The following LRBA variants were observed in gnomAD, a reference collection of about 807,000 sequenced individuals.
LRBA encodes lipopolysaccharide-responsive and beige-like anchor protein.
In LRBA, 176 loss-of-function variants were observed where a neutral mutation model predicts 330.0. The observed-to-expected ratio is 0.53, with a 90% CI of 0.47 to 0.60. The LOEUF (loss-of-function observed/expected upper bound fraction) is 0.60. Among genes scored for constraint, LRBA ranks in the 20% least tolerant of loss-of-function variants. The pLI is 0.00. For synonymous variants in LRBA, 1,230 were observed against 1,193.0 expected (o/e 1.03, Z -0.64); for missense variants, 3,259 against 3,444.8 (o/e 0.95, Z 1.35).
At chr4:150,526,882 T>C (rs140972832) in intron 40 of LRBA, among the ~76,000 whole-genome samples, 1 of 152,208 alleles carries the variant, frequency 6.6e-6, no homozygotes, top group African/African-American at 2.4e-5. Context: ...ATCCTGATTG[T>C]CTCAAAAACA....
chr4:150,376,182 G>T (rs1326028460), intron 47 of LRBA, among the ~76,000 whole-genome samples: 1 of 152,102 alleles, frequency 6.6e-6, no homozygotes, highest in African/African-American at 2.4e-5. Context: ...CCCACACTGT[G>T]TCTAACTTTT....
At chr4:150,378,885 C>T (rs1403031059) in intron 47 of LRBA, among the ~76,000 whole-genome samples, 1 of 152,110 alleles carries the variant, frequency 6.6e-6, no homozygotes, top group East Asian at 1.9e-4. Context: ...TATAAATTCA[C>T]TAAAATGATT....
intron 48 of LRBA, among the ~76,000 whole-genome samples, chr4:150,336,666 T>C (rs1212528792): frequency 6.6e-6 from 1 of 152,186 alleles, no homozygotes; most frequent in African/African-American, 2.4e-5. Flanking sequence ...GATGTAATTA[T>C]AATTTGTGAA....
chr4:150,315,498 T>C (rs1483461974), intron 51 of LRBA, 63 bp downstream of exon 51: 12 of 1,343,698 alleles, frequency 8.9e-6, no homozygotes, highest in African/African-American at 2.9e-5. Flanking sequence ...ACAACTGTAA[T>C]CTACACTTCA....
In LRBA at chr4:150,537,793, A is replaced by G. The variant is rs188385070; in HGVS notation, c.6331-46758T>C. Among the ~76,000 whole-genome samples the G allele has an allele frequency of 5.1e-4, 77 of 152,190 alleles. No individual in the cohort carries two copies. In the East Asian group the frequency reaches 0.013, roughly 26 times the overall value. On this transcript the variant is annotated intron_variant, in intron 40 of 56. Coordinates refer to ENST00000651943, the MANE Select transcript of LRBA (RefSeq NM_001364905.1). ...ACATGGTGAGACCACCATCTCTACT[A>G]AAAATACAAAAATTAGCCAGGCATG... is the stretch of plus-strand genomic sequence containing the variant.
chr4:150,388,103 T>C (rs916627818), intron 47 of LRBA, among the ~76,000 whole-genome samples: 2 of 152,260 alleles, frequency 1.3e-5, no homozygotes, highest in South Asian at 4.1e-4. Flanking sequence ...CCATAAGATT[T>C]GGTTTATGAT....
chr4:150,970,542 TGTGTGTGTGTGTGTACAC>T lies in LRBA; in HGVS notation c.217-41495_217-41478del, dbSNP rs1422831718. ...ATATACTTGTGTGTGTGTGTGTGTGTGTGTGTGTGTGTGTACACACACACACACACACACACACACACA... is the reference window on the plus strand; with the variant it reads ...ATATACTTGTGTGTGTGTGTGTGTGTACACACACACACACACACACACACA... On this transcript the variant is annotated intron_variant, in intron 2 of 56. Transcript: ENST00000651943. The T allele has an allele frequency of 4.3e-4, 18 of 41,850 alleles. No homozygotes were observed. In the South Asian group the frequency reaches 8.7e-3, roughly 20 times the overall value. 2.6% of individuals were successfully genotyped at this position (41,850 alleles called of 1,614,324 possible). A position where few individuals can be genotyped will look rare whatever the true frequency, so the allele number is the denominator to read the frequency against.
intron 40 of LRBA, among the ~76,000 whole-genome samples, chr4:150,585,287 C>A (rs750597781): frequency 6.6e-6 from 1 of 152,124 alleles, no homozygotes; most frequent in Non-Finnish European, 1.5e-5. Flanking sequence ...AAATTACTTC[C>A]ATTTTAAAAT....
intron 2 of LRBA, among the ~76,000 whole-genome samples, chr4:150,980,493 A>C (rs1363730213): frequency 6.6e-6 from 1 of 152,200 alleles, no homozygotes; most frequent in Admixed American, 6.5e-5. Flanking sequence ...GACAAGAGAA[A>C]GAAATAAAGA....
chr4:150,480,448 T>C, intron 42 of LRBA, among the ~76,000 whole-genome samples: 1 of 152,118 alleles, frequency 6.6e-6, no homozygotes, highest in East Asian at 1.9e-4. Flanking sequence ...ATATTTATAT[T>C]AAATAAAAAA....
intron 7 of LRBA, among the ~76,000 whole-genome samples, chr4:150,916,080 T>C (rs181423593): frequency 1.3e-5 from 2 of 152,314 alleles, no homozygotes; most frequent in East Asian, 3.9e-4. Flanking sequence ...TATCTACTTA[T>C]ACATTTTGTT....
intron 36 of LRBA, among the ~76,000 whole-genome samples, chr4:150,695,565 G>C (rs1245892021): frequency 4.6e-5 from 7 of 152,060 alleles, no homozygotes; most frequent in Non-Finnish European, 1.0e-4. Flanking sequence ...TGATCCTCCT[G>C]CCTCAGCCTC....
chr4:150,901,671 A>C (rs1348900222), intron 13 of LRBA, among the ~76,000 whole-genome samples: 1 of 152,226 alleles, frequency 6.6e-6, no homozygotes, highest in Non-Finnish European at 1.5e-5. Context: ...AATGAATTAG[A>C]GTGTCAGTGA....
chr4:150,315,712 T>C (rs1731640152), intron 50 of LRBA, 89 bp from the exon 51 acceptor site: 1 of 791,778 alleles, frequency 1.3e-6, no homozygotes, highest in Non-Finnish European at 2.0e-6. Flanking sequence ...TATGTAGAAT[T>C]GTTTCCAATC....
chr4:150,432,453 C>CT (rs35393002), intron 46 of LRBA, among the ~76,000 whole-genome samples: 7,084 of 97,698 alleles, frequency 0.073, 1,107 homozygotes, highest in East Asian at 0.15. Context: ...TAAGTGTGTT[C>CT]TTTTTTTTTT....
At chr4:150,833,942 A>C (rs1418939500) in intron 28 of LRBA, among the ~76,000 whole-genome samples, 1 of 152,220 alleles carries the variant, frequency 6.6e-6, no homozygotes, top group Non-Finnish European at 1.5e-5. Context: ...CAATGTTCAC[A>C]GTATCTTCAT....
chr4:150,557,741 C>T (rs1370860386), intron 40 of LRBA, among the ~76,000 whole-genome samples: 1 of 152,148 alleles, frequency 6.6e-6, no homozygotes, highest in African/African-American at 2.4e-5. Context: ...GGTATAGTGC[C>T]ATCCGCATCA....
chr4:150,525,160 A>C (rs2152181325), intron 40 of LRBA, among the ~76,000 whole-genome samples: 1 of 152,232 alleles, frequency 6.6e-6, no homozygotes, highest in South Asian at 2.1e-4. Flanking sequence ...TCTTATATGA[A>C]GTATTATCAG....
chr4:150,622,126 G>A (rs974924501), intron 37 of LRBA, among the ~76,000 whole-genome samples: 5 of 152,184 alleles, frequency 3.3e-5, no homozygotes, highest in African/African-American at 4.8e-5. Context: ...AAGGAAGGGA[G>A]GCAACATGTT....
Sources: gnomAD v4.1 joint callset for allele counts (sites outside exome capture counted in the v4.1 genomes callset) on GRCh38, gnomAD v4.1.1 for gene constraint, MANE v1.5 for transcripts, NCBI Gene and HGNC (gene_info 2026-07-23, HGNC 2026-07-21) for gene names.